MAPKAP1: variants seen among roughly 807,000 people sequenced by gnomAD.
MAPKAP1 encodes MAPK associated protein 1.
MAPKAP1 carries 20 observed loss-of-function variants against 65.7 expected under a neutral mutation model. The ratio of observed to expected loss-of-function variants is 0.30; its 90% CI spans 0.21 to 0.44. MAPKAP1 has a LOEUF of 0.44. MAPKAP1 is among the 20% of genes least tolerant of loss of function. The pLI, the probability that MAPKAP1 is intolerant of heterozygous loss-of-function variation, is 1.00. For synonymous variants in MAPKAP1, 222 were observed against 244.3 expected, an observed-to-expected ratio of 0.91 and a Z score of 0.85; for missense variants, 423 against 648.0, an observed-to-expected ratio of 0.65 and a Z score of 3.77.
At chr9:125,511,519 TAATA>T (rs1426583308) in intron 7 of MAPKAP1, among the ~76,000 whole-genome samples, 1 of 152,174 alleles carries the variant, frequency 6.6e-6, no homozygotes, top group East Asian at 1.9e-4. Context: ...ACAAAGTTCT[TAATA>T]AATGCCTGTT....
intron 4 of MAPKAP1, among the ~76,000 whole-genome samples, chr9:125,618,503 T>C (rs1832808338): frequency 6.6e-6 from 1 of 152,112 alleles, no homozygotes; most frequent in Non-Finnish European, 1.5e-5. Context: ...CAGTTGCTAA[T>C]TCAAATGTTG....
intron 4 of MAPKAP1, among the ~76,000 whole-genome samples, chr9:125,621,221 G>A (rs1029475750): frequency 3.2e-4 from 48 of 151,966 alleles, no homozygotes; most frequent in African/African-American, 3.6e-4. Context: ...GCAGTGAGCC[G>A]TGATCATGCC....
At chr9:125,697,452 G>A (rs980015952) in intron 1 of MAPKAP1, among the ~76,000 whole-genome samples, 1 of 151,802 alleles carries the variant, frequency 6.6e-6, no homozygotes, top group African/African-American at 2.4e-5. Flanking sequence ...GACATAATTG[G>A]GACCATACTT....
intron 1 of MAPKAP1, among the ~76,000 whole-genome samples, chr9:125,700,377 AATAAAAGTATATTC>A (rs1345881280): frequency 6.6e-6 from 1 of 152,228 alleles, no homozygotes; most frequent in East Asian, 1.9e-4. Context: ...TTGCATCAAT[AATAAAAGTATATTC>A]ATAAAAGTAT....
intron 7 of MAPKAP1, among the ~76,000 whole-genome samples, chr9:125,516,562 C>T (rs1351438269): frequency 6.6e-6 from 1 of 152,214 alleles, no homozygotes; most frequent in East Asian, 1.9e-4. Flanking sequence ...ATATTATCAG[C>T]TCACAATCTT....
intron 3 of MAPKAP1, among the ~76,000 whole-genome samples, chr9:125,658,387 T>C (rs1000902623): frequency 1.3e-5 from 2 of 152,234 alleles, no homozygotes; most frequent in African/African-American, 4.8e-5. Flanking sequence ...TAAGATCAAG[T>C]GTAGTAACAG....
chr9:125,551,126 T>C (rs1336000201), intron 6 of MAPKAP1, among the ~76,000 whole-genome samples: 1 of 152,160 alleles, frequency 6.6e-6, no homozygotes, highest in Non-Finnish European at 1.5e-5. Context: ...ATAAATGAGA[T>C]AGCATCTATT....
chr9:125,587,117 A>G (rs1201283911), intron 4 of MAPKAP1, among the ~76,000 whole-genome samples: 1 of 152,236 alleles, frequency 6.6e-6, no homozygotes, highest in African/African-American at 2.4e-5. Context: ...TTCAAAATAA[A>G]TCAAAGATCT....
chr9:125,439,118 A>ACCC lies in MAPKAP1; in HGVS notation c.1444-107_1444-106insGGG. The ACCC allele has an allele frequency of 7.5e-7, 1 of 1,339,384 alleles. No individual in the cohort carries two copies. The highest frequency in any genetic ancestry group is 1.0e-6 in the Non-Finnish European group (1 of 975,136). The allele number at this position is 1,339,384 out of a possible 1,614,324, so 83.0% of individuals were successfully genotyped here. On this transcript the variant is annotated intron_variant, in intron 11 of 11. Coordinates refer to ENST00000265960, the MANE Select transcript of MAPKAP1 (RefSeq NM_001006617.3). The surrounding 1 kb of genome is among the most constrained non-coding windows in gnomAD (Gnocchi z 4.0). Reference sequence around the variant, plus strand: ...GGCCCTGACCTGGGCCGGGTGCCTCAGGGCCAGGTGCTGTCGTGTGGAAGG... The same window carrying ACCC: ...GGCCCTGACCTGGGCCGGGTGCCTCACCCGGGCCAGGTGCTGTCGTGTGGAAGG...
In MAPKAP1 at chr9:125,569,928, T is replaced by A. The variant is rs1831176085; in HGVS notation, c.672-10119A>T. Reference sequence around the variant, plus strand: ...CTTTTGGTTCATGTAACTTTAGTAATCTTTGGGAAATGAAAACAGCTTTAA... The same window carrying A: ...CTTTTGGTTCATGTAACTTTAGTAAACTTTGGGAAATGAAAACAGCTTTAA... On this transcript the variant is annotated intron_variant, in intron 5 of 11. Transcript: ENST00000265960. Among the ~76,000 whole-genome samples the A allele has an allele frequency of 3.3e-5, 5 of 152,248 alleles. 1 individual carries two copies. In the South Asian group the frequency reaches 1.0e-3, roughly 32 times the overall value.
At chr9:125,654,319 C>A (rs1016712696) in intron 4 of MAPKAP1, among the ~76,000 whole-genome samples, 1 of 152,142 alleles carries the variant, frequency 6.6e-6, no homozygotes, top group Non-Finnish European at 1.5e-5. Context: ...AGGTTCCGTT[C>A]TCAACAATGC....
At chr9:125,559,839 T>C (rs772353330) in intron 5 of MAPKAP1, 30 bp from the exon 6 acceptor site, 1 of 1,593,198 alleles carries the variant, frequency 6.3e-7, no homozygotes, top group Non-Finnish European at 8.6e-7. Context: ...GGCGAGTGAA[T>C]ACCAAGGTAG....
At chr9:125,453,963 A>T (rs1449276197) in intron 10 of MAPKAP1, among the ~76,000 whole-genome samples, 1 of 152,200 alleles carries the variant, frequency 6.6e-6, no homozygotes, top group Admixed American at 6.5e-5. Flanking sequence ...TGACAGACTC[A>T]CTTCCTTCAT....
intron 3 of MAPKAP1, among the ~76,000 whole-genome samples, chr9:125,664,236 A>G (rs2131775860): frequency 6.6e-6 from 1 of 151,880 alleles, no homozygotes; most frequent in South Asian, 2.1e-4. Flanking sequence ...AATCCCAGCT[A>G]CTTGGAGGAC....
At chr9:125,654,859 TAAG>T (rs1218635763) in intron 4 of MAPKAP1, among the ~76,000 whole-genome samples, 4 of 152,154 alleles carry the variant, frequency 2.6e-5, no homozygotes, top group Non-Finnish European at 4.4e-5. Flanking sequence ...AGTTTAATCT[TAAG>T]GAGGATTTCA....
At chr9:125,604,054 T>G (rs1208499685) in intron 4 of MAPKAP1, among the ~76,000 whole-genome samples, 1 of 152,226 alleles carries the variant, frequency 6.6e-6, no homozygotes, top group Non-Finnish European at 1.5e-5. Flanking sequence ...ACCTATTTGC[T>G]TCCCTAAAAG....
At chr9:125,553,869 T>G (rs530570131) in intron 6 of MAPKAP1, among the ~76,000 whole-genome samples, 10 of 152,000 alleles carry the variant, frequency 6.6e-5, no homozygotes, top group African/African-American at 2.2e-4. Context: ...ACACTCTATC[T>G]CTACAAAAAA....
intron 9 of MAPKAP1, among the ~76,000 whole-genome samples, chr9:125,478,734 C>T (rs1222965334): frequency 6.6e-6 from 1 of 152,088 alleles, no homozygotes; most frequent in Non-Finnish European, 1.5e-5. Context: ...TGGAAGTCTC[C>T]GTATATCTGA....
chr9:125,701,456 C>T (rs914579243), intron 1 of MAPKAP1, among the ~76,000 whole-genome samples: 1 of 152,162 alleles, frequency 6.6e-6, no homozygotes, highest in Non-Finnish European at 1.5e-5. Context: ...TAGCGGTATC[C>T]GCATATTCAG....
Sources: gnomAD v4.1 joint callset for allele counts (sites outside exome capture counted in the v4.1 genomes callset) on GRCh38, gnomAD v4.1.1 for gene constraint, Gnocchi (gnomAD v3.1) non-coding constraint, MANE v1.5 for transcripts, NCBI Gene and HGNC (gene_info 2026-07-23, HGNC 2026-07-21) for gene names.